Variants in TEX10 observed in about 807,000 individuals in gnomAD.
The protein encoded by TEX10 is testis expressed 10, also known as testis-expressed protein 10.
In TEX10, 24 loss-of-function variants were observed where a neutral mutation model predicts 104.4. That is an observed-to-expected ratio of 0.23 (90% CI 0.17 to 0.32). The LOEUF (loss-of-function observed/expected upper bound fraction) is 0.32, where lower values mean the gene tolerates loss of function less well. Ranked by LOEUF, TEX10 falls within the 10% of genes least tolerant of loss-of-function variation. The probability of loss-of-function intolerance (pLI) is 1.00; values close to 1 mark genes in which losing one functional copy is unlikely to be tolerated. For missense variants in TEX10, 921 were observed against 1,083.9 expected (o/e 0.85, Z 2.11); for synonymous variants, 396 against 393.4 (o/e 1.01, Z -0.08).
rs776404929 is a variant in TEX10, at chr9:100,315,779, C to A, written c.2202+4486G>T. Among the ~76,000 whole-genome samples the A allele has an allele frequency of 1.9e-4, 29 of 152,074 alleles. 1 individual carries two copies. On this transcript the variant is annotated intron_variant, in intron 11 of 14. Transcript: ENST00000374902. ...GCTAAAAAGTCTGCTGTTAGTCTGA[C>A]GGGATTTTCTTTATAAATGACTAGA...
intron 4 of TEX10, among the ~76,000 whole-genome samples, 173 bp from the exon 5 acceptor site, chr9:100,340,542 C>T (rs1461786874): frequency 6.6e-6 from 1 of 152,176 alleles, no homozygotes; most frequent in Non-Finnish European, 1.5e-5. Flanking sequence ...AAAGCACCCA[C>T]TTTTCATCTA....
At chr9:100,325,536 C>A (rs1834683458) in intron 9 of TEX10, among the ~76,000 whole-genome samples, 1 of 151,702 alleles carries the variant, frequency 6.6e-6, no homozygotes, top group South Asian at 2.1e-4. Flanking sequence ...AATATTAAAA[C>A]TTTCTTTTTT....
chr9:100,336,481 G>A (rs532083698), intron 5 of TEX10, among the ~76,000 whole-genome samples: 39 of 152,252 alleles, frequency 2.6e-4, no homozygotes, highest in African/African-American at 8.7e-4. Flanking sequence ...AGGGATCTAC[G>A]TTGCATGCTC....
intron 11 of TEX10, among the ~76,000 whole-genome samples, chr9:100,317,131 GA>G (rs1834442316): frequency 6.6e-6 from 1 of 151,834 alleles, no homozygotes; most frequent in African/African-American, 2.4e-5. Context: ...CACAAAATTA[GA>G]AAAAAACCAT....
chr9:100,338,717 C>G (rs1835075033), intron 5 of TEX10, among the ~76,000 whole-genome samples: 1 of 152,016 alleles, frequency 6.6e-6, no homozygotes, highest in Non-Finnish European at 1.5e-5. Flanking sequence ...GTGAAAGAAA[C>G]CCCATCTCTA....
chr9:100,348,222 A>C (rs905128454), intron 2 of TEX10, among the ~76,000 whole-genome samples: 1 of 152,364 alleles, frequency 6.6e-6, no homozygotes, highest in East Asian at 1.9e-4. Context: ...GAATAAGCAA[A>C]TCTATAGATA....
intron 5 of TEX10, among the ~76,000 whole-genome samples, chr9:100,338,010 T>C (rs1448844339): frequency 6.6e-6 from 1 of 152,218 alleles, no homozygotes; most frequent in African/African-American, 2.4e-5. Context: ...AGAGCTACTG[T>C]TTCTCAGCTT....
chr9:100,313,444 G>A (rs1245887449), intron 11 of TEX10, among the ~76,000 whole-genome samples: 5 of 151,736 alleles, frequency 3.3e-5, no homozygotes, highest in Non-Finnish European at 5.9e-5. Context: ...GAACCCGGGA[G>A]GCAGAGGTTG....
At chr9:100,349,657 GTGT>G (rs777285639) in intron 1 of TEX10, among the ~76,000 whole-genome samples, 3 of 92,098 alleles carry the variant, frequency 3.3e-5, no homozygotes, top group African/African-American at 5.8e-5. Context: ...CTTCTGAAAT[GTGT>G]TTTTTTTTTG....
At position 100,322,532 on chromosome 9, in the gene TEX10, A is replaced by G. The variant is rs1834594565; in HGVS notation, c.1980-761T>C. On this transcript the variant is annotated intron_variant, in intron 9 of 14. Coordinates refer to ENST00000374902, the MANE Select transcript of TEX10 (RefSeq NM_017746.4). ...TTTTATCACAGACAACTGAATAAAT[A>G]TCAAACAAAATTAGGAACTTCTAAT... 2.0e-5 allele frequency among the ~76,000 whole-genome samples: 3 copies of G among 152,330 alleles called. No individual in the cohort carries two copies. The South Asian group carries it at 6.2e-4, about 32-fold the overall frequency.
At chr9:100,347,464 T>A in intron 2 of TEX10, 58 bp from the exon 3 acceptor site, 1 of 1,354,730 alleles carries the variant, frequency 7.4e-7, no homozygotes, top group Non-Finnish European at 1.0e-6. Flanking sequence ...CAATTTCACG[T>A]AAACATGCTA....
At position 100,319,518 on chromosome 9, in the gene TEX10, T is replaced by A. The variant is rs1193942453; in HGVS notation, c.2202+747A>T. Among the ~76,000 whole-genome samples, 5 of 152,014 alleles carry A rather than the reference T, an allele frequency of 3.3e-5. No homozygotes were observed. The East Asian group carries it at 9.7e-4, about 29-fold the overall frequency. On this transcript the variant is annotated intron_variant, in intron 11 of 14. Transcript: ENST00000374902. ...TTTACATTTACTGAAAAAATAAGAC[T>A]TGTAGGCTGGGTGTGGTGGCTCACG... is the stretch of plus-strand genomic sequence containing the variant.
chr9:100,346,555 G>C (rs1835303394), intron 3 of TEX10, 139 bp downstream of exon 3: 2 of 1,035,860 alleles, frequency 1.9e-6, no homozygotes, highest in African/African-American at 1.6e-5. Context: ...CTTCCCATCA[G>C]TAAATAAAAT....
At chr9:100,329,891 G>C in intron 6 of TEX10, 40 bp downstream of exon 6, 1 of 1,505,308 alleles carries the variant, frequency 6.6e-7, no homozygotes, top group Middle Eastern at 1.8e-4. Flanking sequence ...GCACATGTAA[G>C]AGCTCCACTC....
chr9:100,323,046 T>C (rs976890944), intron 9 of TEX10, among the ~76,000 whole-genome samples: 6 of 152,140 alleles, frequency 3.9e-5, no homozygotes, highest in African/African-American at 1.2e-4. Flanking sequence ...AAAGCACAGA[T>C]GCTCAACACA....
chr9:100,320,308 A>C lies in TEX10; in HGVS notation c.2159T>G (p.Leu720Arg). 6.2e-7 allele frequency: 1 copy of C among 1,613,174 alleles called. No individual in the cohort carries two copies. The highest frequency in any genetic ancestry group is 1.1e-5 in the South Asian group (1 of 90,912). Residue 720 changes from leucine (L) to arginine (R), a missense_variant, in exon 11 of 15, where the codon CTT (leucine) becomes CGT (arginine). Leu to Arg is a moderately radical substitution (Grantham distance 102). Around this residue, in one of 3 missense-constraint regions of TEX10, gnomAD observed 753 missense variants for 868.4 expected, o/e 0.87. Transcript: ENST00000374902. ...QTQLSPVLLY[L>R]TDLDQFLHHW... ...GTGTAAAAATTGATCCAAATCTGTA[A>C]GGTAGAGAAGCACAGGGGAAAGCTG... is the stretch of plus-strand genomic sequence containing the variant.
At chr9:100,303,313 T>TA (rs1417322785) in intron 14 of TEX10, among the ~76,000 whole-genome samples, 1 of 152,176 alleles carries the variant, frequency 6.6e-6, no homozygotes, top group Non-Finnish European at 1.5e-5. Flanking sequence ...TAATAGAGTC[T>TA]GTATCACAGT....
At chr9:100,313,815 G>A (rs1476080482) in intron 11 of TEX10, among the ~76,000 whole-genome samples, 3 of 151,050 alleles carry the variant, frequency 2.0e-5, no homozygotes, top group South Asian at 2.1e-4. Context: ...ACTGCACTCC[G>A]GCTTGGGCGA....
At chr9:100,316,914 A>C (rs1001479525) in intron 11 of TEX10, among the ~76,000 whole-genome samples, 1 of 151,302 alleles carries the variant, frequency 6.6e-6, no homozygotes, top group Non-Finnish European at 1.5e-5. Flanking sequence ...AAAAAAAAAA[A>C]AACCTAGGAA....
Sources: allele counts gnomAD v4.1 joint callset (sites outside exome capture counted in the v4.1 genomes callset), GRCh38; gene constraint gnomAD v4.1.1; regional missense constraint gnomAD v4.1.1; transcripts MANE v1.5; gene names NCBI Gene and HGNC (gene_info 2026-07-23, HGNC 2026-07-21).